The following SNX18 variants were observed in gnomAD, a reference collection of about 807,000 sequenced individuals.
The protein encoded by SNX18 is sorting nexin-18.
In SNX18, 35 loss-of-function variants were observed where a neutral mutation model predicts 48.7. The ratio of observed to expected loss-of-function variants is 0.72; its 90% CI spans 0.55 to 0.95. The LOEUF (loss-of-function observed/expected upper bound fraction) is 0.95, where lower values mean the gene tolerates loss of function less well. Ranked by LOEUF, SNX18 falls within the 40% of genes least tolerant of loss-of-function variation. The pLI, the probability that SNX18 is intolerant of heterozygous loss-of-function variation, is 0.00. For synonymous variants in SNX18, 492 were observed against 384.7 expected, an observed-to-expected ratio of 1.28 and a Z score of -3.26; for missense variants, 824 against 871.0, an observed-to-expected ratio of 0.95 and a Z score of 0.68.
chr5:54,585,609 G>A, the SNX18 span, among the ~76,000 whole-genome samples: 1 of 152,032 alleles, frequency 6.6e-6, no homozygotes, highest in Non-Finnish European at 1.5e-5. Context: ...GTAGGATGGA[G>A]TCAGAGTGAG....
At chr5:54,530,285 A>C (rs1267176029) in intron 1 of SNX18, among the ~76,000 whole-genome samples, 1 of 152,188 alleles carries the variant, frequency 6.6e-6, no homozygotes, top group Non-Finnish European at 1.5e-5. Flanking sequence ...GGTTCCATGT[A>C]GATTTTAGGG....
chr5:54,647,095 A>G, the SNX18 span, among the ~76,000 whole-genome samples: 1 of 152,228 alleles, frequency 6.6e-6, no homozygotes, highest in Non-Finnish European at 1.5e-5. Context: ...GTTCTAATAC[A>G]TGGCTTGTTT....
At chr5:54,561,962 T>C in the SNX18 span, among the ~76,000 whole-genome samples, 2 of 152,244 alleles carry the variant, frequency 1.3e-5, no homozygotes, top group African/African-American at 4.8e-5. Flanking sequence ...CTGAGGAAGA[T>C]TAACATCCAG....
chr5:54,629,196 C>A, the SNX18 span, among the ~76,000 whole-genome samples: 2 of 152,156 alleles, frequency 1.3e-5, no homozygotes, highest in African/African-American at 4.8e-5. Flanking sequence ...GGAAAGTCTC[C>A]TGATATCTTG....
chr5:54,596,385 G>A, the SNX18 span, among the ~76,000 whole-genome samples: 3 of 152,252 alleles, frequency 2.0e-5, no homozygotes, highest in Admixed American at 6.5e-5. Context: ...GAGGAAAAGG[G>A]GCCTAGGAGA....
At chr5:54,554,264 C>G in the SNX18 span, among the ~76,000 whole-genome samples, 1 of 152,230 alleles carries the variant, frequency 6.6e-6, no homozygotes, top group African/African-American at 2.4e-5. Context: ...CCTGGCTTTA[C>G]CTTAGCATCA....
At chr5:54,549,271 T>C (rs1762618265), downstream of SNX18, among the ~76,000 whole-genome samples, 1 of 152,188 alleles carries the variant, frequency 6.6e-6, no homozygotes, top group South Asian at 2.1e-4. Context: ...AGTATTTAAA[T>C]AATAAGAACA....
At chr5:54,577,237 A>T in the SNX18 span, among the ~76,000 whole-genome samples, 1 of 152,214 alleles carries the variant, frequency 6.6e-6, no homozygotes, top group East Asian at 1.9e-4. Flanking sequence ...TTTACTATCA[A>T]TGAAATGGGA....
At chr5:54,605,485 A>C in the SNX18 span, among the ~76,000 whole-genome samples, 1 of 152,120 alleles carries the variant, frequency 6.6e-6, no homozygotes, top group East Asian at 1.9e-4. Flanking sequence ...TCTTGGAGTA[A>C]ATTTTGCTCA....
At chr5:54,608,264 A>G in the SNX18 span, among the ~76,000 whole-genome samples, 10 of 152,212 alleles carry the variant, frequency 6.6e-5, no homozygotes, top group Non-Finnish European at 8.8e-5. Context: ...CCTAACGGCT[A>G]ATGGTACTGA....
At chr5:54,558,865 T>C in the SNX18 span, among the ~76,000 whole-genome samples, 3 of 152,142 alleles carry the variant, frequency 2.0e-5, no homozygotes, top group East Asian at 5.8e-4. Flanking sequence ...CATGTTCTAA[T>C]GAATGTATTT....
In SNX18 at chr5:54,528,999, G is replaced by A. The variant is rs370711112; in HGVS notation, c.1621+9426G>A. ...TCACATGCTTTTGATGTGCTGCTGG[G>A]TTTACAGCTGCTGTTGGAGGTGATA... On this transcript the variant is annotated intron_variant, in intron 1 of 1. Transcript: ENST00000381410. Among the ~76,000 whole-genome samples the A allele has an allele frequency of 1.5e-4, 23 of 152,278 alleles. No homozygotes were observed. The South Asian group carries it at 4.4e-3, about 29-fold the overall frequency.
At chr5:54,629,213 A>G in the SNX18 span, among the ~76,000 whole-genome samples, 1 of 150,524 alleles carries the variant, frequency 6.6e-6, no homozygotes, top group Non-Finnish European at 1.5e-5. Flanking sequence ...CTTGCACCTC[A>G]GTGTCCCAGT....
the SNX18 span, among the ~76,000 whole-genome samples, chr5:54,638,274 C>T: frequency 3.3e-5 from 5 of 152,070 alleles, no homozygotes; most frequent in Non-Finnish European, 7.4e-5. Context: ...AGTGATCTTC[C>T]CCCCAACCCC....
chr5:54,532,307 C>CTTTTTTTTTTTTTTTTTTTTTTTT (rs35717409), intron 1 of SNX18, among the ~76,000 whole-genome samples: 1 of 137,068 alleles, frequency 7.3e-6, no homozygotes, highest in Non-Finnish European at 1.5e-5. Context: ...TCTATTGTTG[C>CTTTTTTTTTTTTTTTTTTTTTTTT]TTTTTTTTTT....
At chr5:54,603,317 T>C in the SNX18 span, among the ~76,000 whole-genome samples, 1,173 of 151,980 alleles carry the variant, frequency 7.7e-3, 18 homozygotes, top group African/African-American at 0.027. Context: ...CATAGTACAC[T>C]GGAGGCTCAA....
the SNX18 span, among the ~76,000 whole-genome samples, chr5:54,565,232 A>T: frequency 6.6e-6 from 1 of 152,210 alleles, no homozygotes; most frequent in Admixed American, 6.5e-5. Context: ...AGGACGTGGG[A>T]GCCCATTTGG....
chr5:54,614,233 A>T, the SNX18 span, among the ~76,000 whole-genome samples: 1 of 152,168 alleles, frequency 6.6e-6, no homozygotes, highest in African/African-American at 2.4e-5. Flanking sequence ...TGGAATCTGC[A>T]ATTCTGTTGT....
downstream of SNX18, among the ~76,000 whole-genome samples, chr5:54,548,793 A>G (rs1443216882): frequency 6.6e-6 from 1 of 152,172 alleles, no homozygotes; most frequent in African/African-American, 2.4e-5. Flanking sequence ...TCTTATCTAT[A>G]ATGGGGTATG....
Sources: gnomAD v4.1 joint callset for allele counts (sites outside exome capture counted in the v4.1 genomes callset) on GRCh38, gnomAD v4.1.1 for gene constraint, MANE v1.5 for transcripts, NCBI Gene and HGNC (gene_info 2026-07-23, HGNC 2026-07-21) for gene names.